Variants in ASB18 observed in about 807,000 individuals in gnomAD.
ASB18 encodes the protein ankyrin repeat and SOCS box protein 18.
Under a neutral mutation model 33.4 loss-of-function variants are expected in ASB18, and 33 were observed. The ratio of observed to expected loss-of-function variants is 0.99; its 90% confidence interval spans 0.75 to 1.32. The LOEUF (loss-of-function observed/expected upper bound fraction) is 1.32, where lower values mean the gene tolerates loss of function less well. Among genes scored for constraint, ASB18 ranks in the 40% most tolerant of loss-of-function variants. The pLI, the probability that ASB18 is intolerant of heterozygous loss-of-function variation, is 0.00. For missense variants in ASB18, 694 were observed against 655.5 expected (o/e 1.06, Z -0.64); for synonymous variants, 295 against 307.6 (o/e 0.96, Z 0.43).
At chr2:236,212,252 T>A (rs1216508199) in intron 4 of ASB18, among the ~76,000 whole-genome samples, 1 of 152,152 alleles carries the variant, frequency 6.6e-6, no homozygotes, top group African/African-American at 2.4e-5. Flanking sequence ...GCTGACATAG[T>A]ACTGGGGATC....
chr2:236,220,464 TC>T lies in ASB18; in HGVS notation c.597-5599del, dbSNP rs1319334648. On this transcript the variant is annotated intron_variant, in intron 3 of 5. Coordinates refer to ENST00000409749, the MANE Select transcript of ASB18 (RefSeq NM_212556.4). This position sits in a 1 kb window ranked among gnomAD's most constrained non-coding sequence, Gnocchi z 5.1. ...CTCTCTCGTCTCCCCTGCCTCCTGA[TC>T]ACCCTCTTTATTCAAAGCCCTGGAA... Among the ~76,000 whole-genome samples, 13 of 152,022 alleles carry T rather than the reference TC, an allele frequency of 8.6e-5. No individual in the cohort carries two copies. The highest frequency in any genetic ancestry group is 8.5e-4 in the Admixed American group (13 of 15,262).
At position 236,235,957 on chromosome 2, in the gene ASB18, G is replaced by C. The variant is rs1261783631; in HGVS notation, c.596+1732C>G. ...GATCTGCCTGTCTCAGCCTCCCAAAGTGTTGGGATTACCGGCATGAGCCAC... is the reference window on the plus strand; with the variant it reads ...GATCTGCCTGTCTCAGCCTCCCAAACTGTTGGGATTACCGGCATGAGCCAC... On this transcript the variant is annotated intron_variant, in intron 3 of 5. Coordinates refer to ENST00000409749, the MANE Select transcript of ASB18 (RefSeq NM_212556.4). The surrounding 1 kb of genome is among the most constrained non-coding windows in gnomAD (Gnocchi z 6.2). Among the ~76,000 whole-genome samples, 3 of 152,214 alleles carry C rather than the reference G, an allele frequency of 2.0e-5. No homozygotes were observed. The highest frequency in any genetic ancestry group is 7.2e-5 in the African/African-American group (3 of 41,444).
At position 236,251,343 on chromosome 2, in the gene ASB18, A is replaced by G. The variant is rs1305364897; in HGVS notation, c.206-9941T>C. On this transcript the variant is annotated intron_variant, in intron 1 of 5. Transcript: ENST00000409749. This position sits in a 1 kb window ranked among gnomAD's most constrained non-coding sequence, Gnocchi z 5.3. Reference sequence around the variant, plus strand: ...TGGGGACGTTGCTGGAAAGCGTATCATTGAAGCTCTCCCTGATAAAGGTGA... The same window carrying G: ...TGGGGACGTTGCTGGAAAGCGTATCGTTGAAGCTCTCCCTGATAAAGGTGA... Among the ~76,000 whole-genome samples the G allele has an allele frequency of 6.6e-6, 1 of 152,212 alleles. No homozygotes were observed. The highest frequency in any genetic ancestry group is 2.4e-5 in the African/African-American group (1 of 41,454).
rs1423645814 is a variant in ASB18, at chr2:236,251,953, G to C, written c.206-10551C>G. On this transcript the variant is annotated intron_variant, in intron 1 of 5. Transcript: ENST00000409749. This position sits in a 1 kb window ranked among gnomAD's most constrained non-coding sequence, Gnocchi z 5.3. ...TTTACATGTACAGAGCATTTTTCAG[G>C]TACAAGAAGCTTACAGAAATAAATA... 6.6e-6 allele frequency among the ~76,000 whole-genome samples: 1 copy of C among 152,102 alleles called. No homozygotes were observed. The highest frequency in any genetic ancestry group is 1.5e-5 in the Non-Finnish European group (1 of 68,040).
rs1472238166 is a variant in ASB18 at position 236,204,674 on chromosome 2, C to T, written c.1102-8289G>A. The stretch of plus-strand genomic sequence containing the variant: ...CTGAACTCCCTTGTTCACCAGGTCC[C>T]AACCTGCTGTGCCACCCATAACCTG... On this transcript the variant is annotated intron_variant, in intron 4 of 5. Transcript: ENST00000409749. The surrounding 1 kb of genome is among the most constrained non-coding windows in gnomAD (Gnocchi z 5.1). Among the ~76,000 whole-genome samples the T allele has an allele frequency of 6.6e-6, 1 of 152,188 alleles. No individual in the cohort carries two copies. The highest frequency in any genetic ancestry group is 1.9e-4 in the East Asian group (1 of 5,192).
chr2:236,263,405 T>A lies in ASB18; in HGVS notation c.205+736A>T, dbSNP rs7592428. 0.05 allele frequency among the ~76,000 whole-genome samples: 7,558 copies of A among 152,296 alleles called. 582 individuals carry two copies. Among genetic ancestry groups the A allele is most frequent in the African/African-American group, 0.17 (6,859 of 41,542 alleles). Reference sequence around the variant, plus strand: ...GACAGGCAGTGAAGAATTACCAGTGTGTGCTTATCAAATGGCAATTTAATA... The same window carrying A: ...GACAGGCAGTGAAGAATTACCAGTGAGTGCTTATCAAATGGCAATTTAATA... On this transcript the variant is annotated intron_variant, in intron 1 of 5. Transcript: ENST00000409749. This position sits in a 1 kb window ranked among gnomAD's most constrained non-coding sequence, Gnocchi z 4.0.
rs1186040612 is a variant in ASB18 at position 236,222,962 on chromosome 2, G to A, written c.597-8096C>T. On this transcript the variant is annotated intron_variant, in intron 3 of 5. Coordinates refer to ENST00000409749, the MANE Select transcript of ASB18 (RefSeq NM_212556.4). This position sits in a 1 kb window ranked among gnomAD's most constrained non-coding sequence, Gnocchi z 5.5. The stretch of plus-strand genomic sequence containing the variant: ...TTGAGCCCTGGAGGTGGAGGTTGCA[G>A]TGAGCTGAGATGGTGCCACAGCACT... 6.6e-6 allele frequency among the ~76,000 whole-genome samples: 1 copy of A among 152,230 alleles called. No homozygotes were observed. The highest frequency in any genetic ancestry group is 1.5e-5 in the Non-Finnish European group (1 of 68,048).
Position 236,200,493 on chromosome 2 carries a change from G to T in ASB18, c.1102-4108C>A, listed in dbSNP as rs1432794864. On this transcript the variant is annotated intron_variant, in intron 4 of 5. Coordinates refer to ENST00000409749, the MANE Select transcript of ASB18 (RefSeq NM_212556.4). This position sits in a 1 kb window ranked among gnomAD's most constrained non-coding sequence, Gnocchi z 4.2. ...GTCGTGGCAGAGGTATTACCACCCT[G>T]GGCTGAAGGGCCAGTCAGGTGAGCT... is the stretch of plus-strand genomic sequence containing the variant. 6.6e-6 allele frequency among the ~76,000 whole-genome samples: 1 copy of T among 152,232 alleles called. No homozygotes were observed. The highest frequency in any genetic ancestry group is 6.5e-5 in the Admixed American group (1 of 15,288).
intron 4 of ASB18, among the ~76,000 whole-genome samples, chr2:236,206,190 G>GTT (rs58498672): frequency 7.2e-6 from 1 of 138,022 alleles, no homozygotes; most frequent in Non-Finnish European, 1.6e-5. Flanking sequence ...AGTTTCTTGG[G>GTT]TTTTTTTTTT....
rs2106284492 is a variant in ASB18, at chr2:236,251,756, G to A, written c.206-10354C>T. On this transcript the variant is annotated intron_variant, in intron 1 of 5. Transcript: ENST00000409749. This position sits in a 1 kb window ranked among gnomAD's most constrained non-coding sequence, Gnocchi z 5.3. ...GCTGAAACACTGGACTGCTAATCAC[G>A]TTCAATTTTACTAACCTAAAATACA... Among the ~76,000 whole-genome samples the A allele has an allele frequency of 6.6e-6, 1 of 152,246 alleles. No homozygotes were observed. Among genetic ancestry groups the A allele is most frequent in the Non-Finnish European group, 1.5e-5 (1 of 68,026 alleles).
chr2:236,214,423 C>T lies in ASB18; in HGVS notation c.1040G>A (p.Arg347His), dbSNP rs1468660874. The part of the protein sequence containing the change: ...ASCALQASPQ[R>H]TVQALLNHGS... ...GTGGTTGAGCAGCGCCTGCACCGTG[C>T]GCTGCGGTGAGGCCTGGAGAGCGCA... Residue 347 changes from arginine to histidine, a missense_variant, in exon 4 of 6, where the codon CGC (arginine) becomes CAC (histidine). Transcript: ENST00000409749. This position sits in a 1 kb window ranked among gnomAD's most constrained non-coding sequence, Gnocchi z 6.5. 1.9e-6 allele frequency: 3 copies of T among 1,562,768 alleles called. No individual in the cohort carries two copies. Among genetic ancestry groups the T allele is most frequent in the African/African-American group, 1.4e-5 (1 of 73,520 alleles).
rs1687603951 is a variant in ASB18, at chr2:236,220,328, CTGTCT to C, written c.597-5467_597-5463del. Among the ~76,000 whole-genome samples, 1 of 152,186 alleles carries C rather than the reference CTGTCT, an allele frequency of 6.6e-6. No individual in the cohort carries two copies. Among genetic ancestry groups the C allele is most frequent in the African/African-American group, 2.4e-5 (1 of 41,450 alleles). On this transcript the variant is annotated intron_variant, in intron 3 of 5. Transcript: ENST00000409749. This position sits in a 1 kb window ranked among gnomAD's most constrained non-coding sequence, Gnocchi z 5.1. ...ACTGTTTCCTCCTTCCTTTACCCAC[CTGTCT>C]CACCCACCTGCTCCCACCTGTCTCA...
Position 236,194,721 on chromosome 2 carries a change from T to C in ASB18, c.*151A>G. 1 of 590,080 alleles carries C rather than the reference T, an allele frequency of 1.7e-6. No individual in the cohort carries two copies. The highest frequency in any genetic ancestry group is 2.8e-6 in the Non-Finnish European group (1 of 357,184). The allele number at this position is 590,080 out of a possible 1,614,324, so 36.6% of individuals were successfully genotyped here. The stretch of plus-strand genomic sequence containing the variant: ...TTCCATTTCGAGGTGAACCTGAAGC[T>C]TGGCAAGGTCTGTGCTTCACCCGGT... On this transcript the variant is annotated 3_prime_UTR_variant, in exon 6 of 6. Transcript: ENST00000409749. The surrounding 1 kb of genome is among the most constrained non-coding windows in gnomAD (Gnocchi z 4.5).
chr2:236,232,261 C>CAAA (rs34385265), intron 3 of ASB18, among the ~76,000 whole-genome samples: 4 of 146,912 alleles, frequency 2.7e-5, no homozygotes, highest in Non-Finnish European at 3.0e-5. Flanking sequence ...ACCCATGACT[C>CAAA]AAAAAAAAAA....
chr2:236,206,861 T>C lies in ASB18; in HGVS notation c.1101+7501A>G, dbSNP rs149006618. Among the ~76,000 whole-genome samples the C allele has an allele frequency of 2.9e-3, 435 of 152,312 alleles. 3 individuals are homozygous for C. The South Asian group carries it at 0.034, about 12-fold the overall frequency. ...GGTGGGATAGTGGGATGAGGTAGTCTAATCAGAGTCCAGAGACCAGGGCCA... is the reference window on the plus strand; with the variant it reads ...GGTGGGATAGTGGGATGAGGTAGTCCAATCAGAGTCCAGAGACCAGGGCCA... On this transcript the variant is annotated intron_variant, in intron 4 of 5. Transcript: ENST00000409749.
rs986904371 is a variant in ASB18, at chr2:236,223,350, C to T, written c.597-8484G>A. On this transcript the variant is annotated intron_variant, in intron 3 of 5. Transcript: ENST00000409749. This position sits in a 1 kb window ranked among gnomAD's most constrained non-coding sequence, Gnocchi z 4.6. ...GCATAACATTTCTTTCTCTTTCTCT[C>T]ATCCCCTGGTCCCAATATACTAGGT... is the stretch of plus-strand genomic sequence containing the variant. Among the ~76,000 whole-genome samples the T allele has an allele frequency of 3.9e-5, 6 of 152,190 alleles. No homozygotes were observed. Among genetic ancestry groups the T allele is most frequent in the African/African-American group, 1.2e-4 (5 of 41,440 alleles).
rs1388868716 is a variant in ASB18, at chr2:236,215,226, A to T, written c.597-360T>A. The stretch of plus-strand genomic sequence containing the variant: ...AGCTCTTTGTCACACCTGGAGGTTA[A>T]GGGTTTGGCAGTCACAGTTCTAAGG... On this transcript the variant is annotated intron_variant, in intron 3 of 5. Coordinates refer to ENST00000409749, the MANE Select transcript of ASB18 (RefSeq NM_212556.4). This position sits in a 1 kb window ranked among gnomAD's most constrained non-coding sequence, Gnocchi z 7.2. 2.0e-5 allele frequency among the ~76,000 whole-genome samples: 3 copies of T among 152,036 alleles called. No individual in the cohort carries two copies. Among genetic ancestry groups the T allele is most frequent in the Non-Finnish European group, 4.4e-5 (3 of 68,012 alleles).
At chr2:236,227,212 G>T (rs1038118269) in intron 3 of ASB18, among the ~76,000 whole-genome samples, 2 of 152,192 alleles carry the variant, frequency 1.3e-5, no homozygotes, top group Admixed American at 1.3e-4. Context: ...ATAGGAACAT[G>T]TTATAATGGG....
Position 236,220,973 on chromosome 2 carries a change from T to A in ASB18, c.597-6107A>T, listed in dbSNP as rs1287861491. On this transcript the variant is annotated intron_variant, in intron 3 of 5. Transcript: ENST00000409749. This position sits in a 1 kb window ranked among gnomAD's most constrained non-coding sequence, Gnocchi z 5.1. ...GCAAGGCGACCCATGGACCTCATTC[T>A]ACGGGGTGGCACAGTAACCGGTTCT... Among the ~76,000 whole-genome samples, 1 of 152,210 alleles carries A rather than the reference T, an allele frequency of 6.6e-6. No homozygotes were observed. The highest frequency in any genetic ancestry group is 1.9e-4 in the East Asian group (1 of 5,192).
Sources: allele counts gnomAD v4.1 joint callset (sites outside exome capture counted in the v4.1 genomes callset), GRCh38; gene constraint gnomAD v4.1.1; non-coding constraint Gnocchi (gnomAD v3.1); transcripts MANE v1.5; gene names NCBI Gene and HGNC (gene_info 2026-07-23, HGNC 2026-07-21).